The following PALM2AKAP2 variants were observed in gnomAD, a reference collection of about 807,000 sequenced individuals.
PALM2AKAP2 encodes PALM2 and AKAP2 fusion, also known as PALM2-AKAP2 fusion protein.
A neutral mutation model predicts 71.5 loss-of-function variants in PALM2AKAP2; 37 were observed. The observed-to-expected ratio is 0.52, with a 90% CI of 0.40 to 0.68. The LOEUF is 0.68. PALM2AKAP2 is among the 30% of genes least tolerant of loss of function. The probability of loss-of-function intolerance (pLI) is 0.00; values close to 1 mark genes in which losing one functional copy is unlikely to be tolerated. For synonymous variants in PALM2AKAP2, 468 were observed against 478.8 expected (o/e 0.98, Z 0.29); for missense variants, 1,224 against 1,191.8 (o/e 1.03, Z -0.40).
chr9:110,021,136 A>G (rs1833067128), intron 7 of PALM2AKAP2, among the ~76,000 whole-genome samples: 1 of 152,170 alleles, frequency 6.6e-6, no homozygotes, highest in Admixed American at 6.5e-5. Context: ...TTGAGATGAG[A>G]GCATCCTGGA....
At chr9:109,746,102 C>T (rs1462184659) in intron 1 of PALM2AKAP2, among the ~76,000 whole-genome samples, 4 of 152,154 alleles carry the variant, frequency 2.6e-5, no homozygotes, top group Admixed American at 6.5e-5. Context: ...GACTGCTTAA[C>T]GACTTGCTCG....
chr9:110,155,005 C>T lies in PALM2AKAP2; in HGVS notation c.2570-1314C>T, dbSNP rs913450372. Among the ~76,000 whole-genome samples, 5 of 152,292 alleles carry T rather than the reference C, an allele frequency of 3.3e-5. No homozygotes were observed. The East Asian group carries it at 5.8e-4, about 18-fold the overall frequency. ...TGAAACGATGATCTATAGTCAGTCACGTAGCCAAGTACTGGAAGAGCAGGA... is the reference window on the plus strand; with the variant it reads ...TGAAACGATGATCTATAGTCAGTCATGTAGCCAAGTACTGGAAGAGCAGGA... On this transcript the variant is annotated intron_variant, in intron 2 of 3. Transcript: ENST00000374525.
At chr9:109,819,190 C>T (rs1827926479) in intron 1 of PALM2AKAP2, among the ~76,000 whole-genome samples, 1 of 152,176 alleles carries the variant, frequency 6.6e-6, no homozygotes, top group African/African-American at 2.4e-5. Context: ...GGCAAATTGA[C>T]ATTGGGTTGT....
At chr9:109,775,134 C>A (rs1392837383) in intron 1 of PALM2AKAP2, among the ~76,000 whole-genome samples, 1 of 152,100 alleles carries the variant, frequency 6.6e-6, no homozygotes. Context: ...GATCTCTAAC[C>A]ATTTGGCTCT....
intron 6 of PALM2AKAP2, among the ~76,000 whole-genome samples, chr9:109,958,436 C>T (rs755690996): frequency 6.6e-6 from 1 of 152,098 alleles, no homozygotes; most frequent in Admixed American, 6.5e-5. Flanking sequence ...ATGCCTTTAT[C>T]GTATGACTTA....
intron 5 of PALM2AKAP2, among the ~76,000 whole-genome samples, chr9:109,930,816 C>T (rs547902928): frequency 1.1e-3 from 172 of 152,266 alleles, no homozygotes; most frequent in Admixed American, 2.4e-3. Context: ...TGGATACCAG[C>T]AGGGGGAAGA....
chr9:109,998,678 G>A (rs1832620246), intron 6 of PALM2AKAP2, among the ~76,000 whole-genome samples: 1 of 149,776 alleles, frequency 6.7e-6, no homozygotes, highest in Non-Finnish European at 1.5e-5. Context: ...AAGGTGGGAG[G>A]ATTGCTTGAG....
chr9:109,922,411 G>T (rs1328022201), intron 3 of PALM2AKAP2, among the ~76,000 whole-genome samples: 2 of 89,456 alleles, frequency 2.2e-5, no homozygotes, highest in African/African-American at 8.8e-5. Context: ...GACAGAGTGA[G>T]ACTCTATCTC....
At chr9:109,704,571 G>A (rs954029226) in intron 1 of PALM2AKAP2, among the ~76,000 whole-genome samples, 2 of 152,118 alleles carry the variant, frequency 1.3e-5, no homozygotes, top group Non-Finnish European at 2.9e-5. Context: ...CTCTTCTTTA[G>A]GGAGGTCAGT....
intron 1 of PALM2AKAP2, among the ~76,000 whole-genome samples, chr9:109,801,230 C>A (rs372042147): frequency 1.3e-5 from 2 of 152,166 alleles, no homozygotes; most frequent in East Asian, 1.9e-4. Context: ...TCCTTAAAAG[C>A]AAACTCAGAC....
chr9:109,739,315 G>A (rs1473282727), intron 1 of PALM2AKAP2, among the ~76,000 whole-genome samples: 2 of 152,106 alleles, frequency 1.3e-5, no homozygotes, highest in Non-Finnish European at 2.9e-5. Flanking sequence ...AGGAAGATGG[G>A]GAAACGGAAG....
chr9:109,920,589 AG>A (rs1401082995), intron 3 of PALM2AKAP2, among the ~76,000 whole-genome samples: 1 of 152,006 alleles, frequency 6.6e-6, no homozygotes, highest in Non-Finnish European at 1.5e-5. Context: ...CATGTTGATC[AG>A]GCCAGTCCCA....
At position 110,134,706 on chromosome 9, in the gene PALM2AKAP2, T is replaced by C. The variant is rs1835808332; in HGVS notation, c.157-1421T>C. ...GAAATTAATTTCCTGAGAATCGTCCTAAGGTGGTGTTTTAATATTCTAAGC... is the reference window on the plus strand; with the variant it reads ...GAAATTAATTTCCTGAGAATCGTCCCAAGGTGGTGTTTTAATATTCTAAGC... On this transcript the variant is annotated intron_variant, in intron 1 of 3. Coordinates refer to ENST00000374525, the Ensembl canonical transcript of PALM2AKAP2. 3.9e-5 allele frequency among the ~76,000 whole-genome samples: 6 copies of C among 152,230 alleles called. No homozygotes were observed. The South Asian group carries it at 1.2e-3, about 32-fold the overall frequency.
At chr9:109,860,814 C>T (rs1027764550) in intron 1 of PALM2AKAP2, among the ~76,000 whole-genome samples, 7 of 152,144 alleles carry the variant, frequency 4.6e-5, no homozygotes, top group African/African-American at 1.7e-4. Context: ...CAGTACTTTA[C>T]CTCTTTCTCT....
At chr9:110,136,466 T>A (rs917885036) in exon 2 of PALM2AKAP2, 2 of 1,613,992 alleles carry the variant, frequency 1.2e-6, no homozygotes, top group Non-Finnish European at 1.7e-6. Flanking sequence ...CAATGGAACA[T>A]CCTCCCCAGA....
intron 1 of PALM2AKAP2, among the ~76,000 whole-genome samples, chr9:109,859,498 T>C (rs372340690): frequency 6.6e-6 from 1 of 152,256 alleles, no homozygotes; most frequent in African/African-American, 2.4e-5. Context: ...CTGGTTATTA[T>C]ACATCCTATG....
At chr9:109,699,845 G>A (rs1369515185) in intron 1 of PALM2AKAP2, among the ~76,000 whole-genome samples, 3 of 150,846 alleles carry the variant, frequency 2.0e-5, no homozygotes, top group Non-Finnish European at 2.9e-5. Context: ...GCATGATCTC[G>A]GCTCACTGCA....
intron 1 of PALM2AKAP2, among the ~76,000 whole-genome samples, chr9:110,061,178 G>A (rs549094207): frequency 3.9e-5 from 6 of 152,212 alleles, no homozygotes; most frequent in South Asian, 4.1e-4. Context: ...TTCAAAGTCC[G>A]CCTGAAAATA....
rs576102174 is a variant in PALM2AKAP2 at position 110,075,599 on chromosome 9, C to CT, written c.156+26753dup. Among the ~76,000 whole-genome samples, 338 of 150,666 alleles carry CT rather than the reference C, an allele frequency of 2.2e-3. 3 individuals are homozygous for CT. The highest frequency in any genetic ancestry group is 0.015 in the South Asian group (70 of 4,774). On this transcript the variant is annotated intron_variant, in intron 1 of 3. Transcript: ENST00000374525. Reference sequence around the variant, plus strand: ...CCTCATTCTCTTTTTTTCTTTCTTTCTTTTTTTTTAACCTCTATAGTCGCT... The same window carrying CT: ...CCTCATTCTCTTTTTTTCTTTCTTTCTTTTTTTTTTAACCTCTATAGTCGCT...
Sources: gnomAD v4.1 joint callset for allele counts (sites outside exome capture counted in the v4.1 genomes callset) on GRCh38, gnomAD v4.1.1 for gene constraint, MANE v1.5 for transcripts, NCBI Gene and HGNC (gene_info 2026-07-23, HGNC 2026-07-21) for gene names.